ITGA9: variants seen among roughly 807,000 people sequenced by gnomAD.
ITGA9 encodes integrin subunit alpha 9.
A neutral mutation model predicts 127.8 loss-of-function variants in ITGA9; 56 were observed. The observed-to-expected ratio is 0.44, with a 90% confidence interval of 0.35 to 0.55. The LOEUF (loss-of-function observed/expected upper bound fraction) is 0.55, where lower values mean the gene tolerates loss of function less well. Among genes scored for constraint, ITGA9 ranks in the 20% least tolerant of loss-of-function variants. ITGA9 has a pLI of 0.00. For synonymous variants in ITGA9, 508 were observed against 514.5 expected, an observed-to-expected ratio of 0.99 and a Z score of 0.17; for missense variants, 1,196 against 1,347.1, an observed-to-expected ratio of 0.89 and a Z score of 1.76.
intron 17 of ITGA9, among the ~76,000 whole-genome samples, chr3:37,664,422 T>G: frequency 1.6e-5 from 1 of 61,692 alleles, no homozygotes; most frequent in South Asian, 3.9e-4. Context: ...AGCACATTCT[T>G]TTTTTTTTTT....
At chr3:37,775,410 C>A (rs1027419432) in intron 23 of ITGA9, among the ~76,000 whole-genome samples, 2 of 151,926 alleles carry the variant, frequency 1.3e-5, no homozygotes, top group Admixed American at 6.6e-5. Flanking sequence ...TTTGGGAGGC[C>A]GAGGCGGGCG....
chr3:37,607,258 A>G (rs1699977596), intron 15 of ITGA9, among the ~76,000 whole-genome samples: 1 of 152,086 alleles, frequency 6.6e-6, no homozygotes. Context: ...TGGATGGATG[A>G]GCTAATACAT....
intron 1 of ITGA9, among the ~76,000 whole-genome samples, chr3:37,459,068 G>T (rs1250618259): frequency 6.6e-5 from 10 of 152,168 alleles, no homozygotes; most frequent in African/African-American, 2.2e-4. Context: ...TGAAACCACG[G>T]GCTCACTTGG....
intron 23 of ITGA9, among the ~76,000 whole-genome samples, chr3:37,762,456 G>C (rs969682024): frequency 6.6e-6 from 1 of 152,178 alleles, no homozygotes; most frequent in Non-Finnish European, 1.5e-5. Flanking sequence ...AAGGAGGCTT[G>C]GCTAGCAAAG....
intron 18 of ITGA9, among the ~76,000 whole-genome samples, chr3:37,714,946 C>T (rs910681123): frequency 6.6e-5 from 10 of 152,144 alleles, no homozygotes; most frequent in African/African-American, 2.2e-4. Context: ...TGTTGTGTGA[C>T]CTTGGAAAGT....
chr3:37,702,864 T>C (rs1700962579), intron 18 of ITGA9, among the ~76,000 whole-genome samples: 1 of 151,976 alleles, frequency 6.6e-6, no homozygotes, highest in Non-Finnish European at 1.5e-5. Context: ...ACAAGAGATG[T>C]GAGAATTCCG....
Position 37,629,157 on chromosome 3 carries a change from G to C in ITGA9, c.1690-30G>C. On this transcript the variant is annotated intron_variant, in intron 15 of 27. Transcript: ENST00000264741. This position sits in a 1 kb window ranked among gnomAD's most constrained non-coding sequence, Gnocchi z 4.5. ...CTACGACTGTCAGCCAGGATTAGTAGTTAATGCACGTATTTGTTTATTGTT... is the reference window on the plus strand; with the variant it reads ...CTACGACTGTCAGCCAGGATTAGTACTTAATGCACGTATTTGTTTATTGTT... 1 of 1,611,862 alleles carries C rather than the reference G, an allele frequency of 6.2e-7. No homozygotes were observed. Among genetic ancestry groups the C allele is most frequent in the Non-Finnish European group, 8.5e-7 (1 of 1,179,640 alleles).
At chr3:37,639,776 G>A (rs1453318784) in intron 16 of ITGA9, among the ~76,000 whole-genome samples, 1 of 152,160 alleles carries the variant, frequency 6.6e-6, no homozygotes, top group East Asian at 1.9e-4. Flanking sequence ...ACCCCCCAGA[G>A]AGTTGACTCC....
Position 37,506,062 on chromosome 3 carries a change from C to G in ITGA9, c.805C>G (p.Pro269Ala). The G allele has an allele frequency of 1.9e-6, 3 of 1,610,092 alleles. No individual in the cohort carries two copies. Among genetic ancestry groups the G allele is most frequent in the Non-Finnish European group, 2.5e-6 (3 of 1,178,324 alleles). Residue 269 changes from proline (P) to alanine (A), a missense_variant, in exon 7 of 28, where the codon CCA (proline) becomes GCA (alanine). Transcript: ENST00000264741. The part of the protein sequence containing the change: ...PSTIDVVGGA[P>A]QDKGIGKVYI... ...CACCATTGATGTGGTAGGAGGTGCC[C>G]CACAGGACAAAGGCATCGGCAAGGT...
At chr3:37,563,322 A>G (rs555325379) in intron 15 of ITGA9, among the ~76,000 whole-genome samples, 21 of 152,178 alleles carry the variant, frequency 1.4e-4, no homozygotes, top group Non-Finnish European at 1.9e-4. Context: ...GCCTATCTAC[A>G]TTTTAAATTT....
intron 17 of ITGA9, among the ~76,000 whole-genome samples, chr3:37,671,309 A>C (rs1700635572): frequency 6.6e-6 from 1 of 152,210 alleles, no homozygotes; most frequent in Admixed American, 6.5e-5. Flanking sequence ...TTCACAGTTA[A>C]ACAGATGAGG....
intron 26 of ITGA9, among the ~76,000 whole-genome samples, chr3:37,796,823 C>A (rs1294136709): frequency 1.3e-5 from 2 of 152,100 alleles, no homozygotes; most frequent in Admixed American, 1.3e-4. Flanking sequence ...GTTCAGGTGA[C>A]AGGAATGCAT....
chr3:37,733,831 G>C (rs1696326548), intron 19 of ITGA9, among the ~76,000 whole-genome samples: 1 of 152,098 alleles, frequency 6.6e-6, no homozygotes, highest in African/African-American at 2.4e-5. Flanking sequence ...AGGGCAAAAA[G>C]GTAATAACTT....
chr3:37,613,524 G>C (rs1475274094), intron 15 of ITGA9, among the ~76,000 whole-genome samples: 3 of 152,140 alleles, frequency 2.0e-5, no homozygotes, highest in African/African-American at 4.8e-5. Context: ...TTCTAGATCT[G>C]TGAGGAATCA....
At chr3:37,464,431 A>G (rs1334915851) in intron 1 of ITGA9, among the ~76,000 whole-genome samples, 2 of 152,096 alleles carry the variant, frequency 1.3e-5, no homozygotes, top group East Asian at 3.9e-4. Flanking sequence ...GCAGTCTAAC[A>G]TTTCTTTGAA....
chr3:37,650,427 ATGTT>A (rs773564552), intron 16 of ITGA9, among the ~76,000 whole-genome samples: 8 of 151,840 alleles, frequency 5.3e-5, no homozygotes, highest in Admixed American at 2.6e-4. Flanking sequence ...CCATCCATTA[ATGTT>A]TGTTTGTTTG....
chr3:37,532,988 T>C (rs2125586810), intron 13 of ITGA9, among the ~76,000 whole-genome samples: 1 of 152,298 alleles, frequency 6.6e-6, no homozygotes, highest in African/African-American at 2.4e-5. Flanking sequence ...CCTAATAAAA[T>C]GGAAATTGGT....
chr3:37,560,698 A>G (rs891447981), intron 15 of ITGA9, among the ~76,000 whole-genome samples: 5 of 152,146 alleles, frequency 3.3e-5, no homozygotes, highest in Non-Finnish European at 7.4e-5. Context: ...TTCTCTGATG[A>G]CCGGTGATGA....
chr3:37,538,610 C>T (rs1699235384), intron 14 of ITGA9, among the ~76,000 whole-genome samples: 1 of 152,220 alleles, frequency 6.6e-6, no homozygotes, highest in Non-Finnish European at 1.5e-5. Flanking sequence ...TTCCCAGGGC[C>T]CTGACCGCGG....
Sources: gnomAD v4.1 joint callset for allele counts (sites outside exome capture counted in the v4.1 genomes callset) on GRCh38, gnomAD v4.1.1 for gene constraint, Gnocchi (gnomAD v3.1) non-coding constraint, MANE v1.5 for transcripts, NCBI Gene and HGNC (gene_info 2026-07-23, HGNC 2026-07-21) for gene names.